ADGRA2: variants seen among roughly 807,000 people sequenced by gnomAD.
The protein encoded by ADGRA2 is G-protein coupled receptor 124.
A neutral mutation model predicts 98.7 loss-of-function variants in ADGRA2; 61 were observed. That is an observed-to-expected ratio of 0.62 (90% CI 0.50 to 0.76). ADGRA2 has a LOEUF of 0.76. Among genes scored for constraint, ADGRA2 ranks in the 30% least tolerant of loss-of-function variants. The pLI is 0.00. For synonymous variants in ADGRA2, 858 were observed against 831.5 expected, an observed-to-expected ratio of 1.03 and a Z score of -0.55; for missense variants, 1,712 against 1,860.0, an observed-to-expected ratio of 0.92 and a Z score of 1.46.
chr8:37,841,158 G>C lies in ADGRA2; in HGVS notation c.2820G>C (p.Trp940Cys), dbSNP rs138242573. 3 of 1,612,654 alleles carry C rather than the reference G, an allele frequency of 1.9e-6. No individual in the cohort carries two copies. The highest frequency in any genetic ancestry group is 1.7e-6 in the Non-Finnish European group (2 of 1,179,926). ...IPVALILLITWIYFLCAGLRL... is the reference protein window; with the variant it reads ...IPVALILLITCIYFLCAGLRL... ...TGGCTTTGATTCTGCTCATCACCTG[G>C]ATCTATTTCCTGTGCGCCGGGCTAC... The change falls in exon 19 of 19, where the codon TGG becomes TGC. Residue 940 changes from tryptophan to cysteine, a missense_variant. Trp to Cys is a radical substitution (Grantham distance 215, BLOSUM62 -2). Coordinates refer to ENST00000412232, the MANE Select transcript of ADGRA2 (RefSeq NM_032777.10). This position sits in a 1 kb window ranked among gnomAD's most constrained non-coding sequence, Gnocchi z 5.0.
chr8:37,821,542 T>A (rs771703198), intron 2 of ADGRA2, among the ~76,000 whole-genome samples: 2 of 152,152 alleles, frequency 1.3e-5, no homozygotes, highest in Non-Finnish European at 2.9e-5. Context: ...ACAGGAAGAC[T>A]TTTCTGGGGG....
Position 37,840,106 on chromosome 8 carries a change from G to C in ADGRA2, c.2512-15G>C. On this transcript the variant is annotated splice_polypyrimidine_tract_variant and intron_variant, in intron 16 of 18. Coordinates refer to ENST00000412232, the MANE Select transcript of ADGRA2 (RefSeq NM_032777.10). ...TAGTCCCCAGGTCCCCAGCCTCCGT[G>C]CCTTGACCCCGCAGGTGGGCATCAC... The C allele has an allele frequency of 6.4e-7, 1 of 1,570,520 alleles. No individual in the cohort carries two copies. Among genetic ancestry groups the C allele is most frequent in the Non-Finnish European group, 8.6e-7 (1 of 1,163,300 alleles).
At position 37,839,008 on chromosome 8, in the gene ADGRA2, C is replaced by T; in HGVS notation, c.2312C>T (p.Pro771Leu). 2.5e-6 allele frequency: 4 copies of T among 1,598,402 alleles called. No homozygotes were observed. Among genetic ancestry groups the T allele is most frequent in the Non-Finnish European group, 3.4e-6 (4 of 1,171,886 alleles). ...GGGGGCGCCGGGGCAGGGCTGCACC[C>T]CGTGGTATACCCCTGCACGGCCTTG... ...EVGGAGAGLH[P>L]VVYPCTALLL... The change falls in exon 15 of 19, where the codon CCC becomes CTC. Residue 771 changes from proline to leucine, a missense_variant. Transcript: ENST00000412232.
In ADGRA2 at chr8:37,827,697, C is replaced by A. The variant is rs111669506; in HGVS notation, c.339-1191C>A. Among the ~76,000 whole-genome samples the A allele has an allele frequency of 1.9e-3, 288 of 152,334 alleles. 3 individuals carry two copies. The highest frequency in any genetic ancestry group is 6.7e-3 in the African/African-American group (277 of 41,578). ...CAAGCTGTCACTTCCCTGGCTTCCT[C>A]ATCTGAAGGAGGAGGCTGGACAGGA... On this transcript the variant is annotated intron_variant, in intron 2 of 18. Coordinates refer to ENST00000412232, the MANE Select transcript of ADGRA2 (RefSeq NM_032777.10).
rs532078731 is a variant in ADGRA2, at chr8:37,829,741, G to C, written c.555-110G>C. ...GGGCAGAGATGGTGCACATAGACCC[G>C]ATTTTGCCCCTCCTACCCTCTCCAG... On this transcript the variant is annotated intron_variant, in intron 5 of 18. Transcript: ENST00000412232. 4.6e-5 allele frequency: 53 copies of C among 1,157,094 alleles called. No homozygotes were observed. In the Admixed American group the frequency reaches 7.7e-4, roughly 17 times the overall value. The allele number at this position is 1,157,094 out of a possible 1,614,324, so 71.7% of individuals were successfully genotyped here. A position where few individuals can be genotyped will look rare whatever the true frequency, so the allele number is the denominator to read the frequency against.
intron 13 of ADGRA2, 36 bp from the exon 14 acceptor site, chr8:37,837,693 CTG>C: frequency 6.6e-7 from 1 of 1,510,426 alleles, no homozygotes; most frequent in African/African-American, 1.4e-5. Context: ...CCCTGACACC[CTG>C]TGTGTGTCTG....
At chr8:37,828,814 G>A in intron 2 of ADGRA2, 74 bp from the exon 3 acceptor site, 1 of 1,206,318 alleles carries the variant, frequency 8.3e-7, no homozygotes, top group Non-Finnish European at 1.2e-6. Flanking sequence ...CGTGGTGACA[G>A]TGAGGACCCC....
intron 2 of ADGRA2, among the ~76,000 whole-genome samples, chr8:37,824,649 C>A (rs905129122): frequency 6.6e-6 from 1 of 151,898 alleles, no homozygotes; most frequent in African/African-American, 2.4e-5. Context: ...CTCCCGCCAC[C>A]ACACACGGCT....
chr8:37,837,769 G>A lies in ADGRA2; in HGVS notation c.2089G>A (p.Val697Ile), dbSNP rs377569553. ...GVGNLTEPVA[V>I]SLRHWAEGAE... ...GGGAAACCTGACAGAGCCAGTGGCCGTTTCGCTGCGGCACTGGGCTGAGGG... is the reference window on the plus strand; with the variant it reads ...GGGAAACCTGACAGAGCCAGTGGCCATTTCGCTGCGGCACTGGGCTGAGGG... Residue 697 changes from valine (V) to isoleucine (I), a missense_variant, in exon 14 of 19, where the codon GTT becomes ATT. Coordinates refer to ENST00000412232, the MANE Select transcript of ADGRA2 (RefSeq NM_032777.10). 31 of 1,552,814 alleles carry A rather than the reference G, an allele frequency of 2.0e-5. No homozygotes were observed. In the Middle Eastern group the frequency reaches 3.0e-3, roughly 151 times the overall value.
In ADGRA2 at chr8:37,842,120, C is replaced by T. The variant is rs939288027; in HGVS notation, c.3782C>T (p.Ala1261Val). Residue 1261 changes from alanine to valine, a missense_variant, in exon 19 of 19, where the codon GCG becomes GTG. By Grantham distance (64) the Ala-to-Val change is moderately conservative (BLOSUM62 0). Coordinates refer to ENST00000412232, the MANE Select transcript of ADGRA2 (RefSeq NM_032777.10). ...TPSEGSDTSA[A>V]PLSEAGRAGQ... The stretch of plus-strand genomic sequence containing the variant: ...TCCGAGGGCAGCGACACCAGCGCCG[C>T]GCCGCTTTCTGAGGCGGGCCGGGCA... 5 of 1,497,000 alleles carry T rather than the reference C, an allele frequency of 3.3e-6. No individual in the cohort carries two copies. Among genetic ancestry groups the T allele is most frequent in the Non-Finnish European group, 4.4e-6 (5 of 1,131,460 alleles). The allele number at this position is 1,497,000 out of a possible 1,614,324, so 92.7% of individuals were successfully genotyped here.
In ADGRA2 at chr8:37,833,149, G is replaced by A. The variant is rs748824937; in HGVS notation, c.1237G>A (p.Asp413Asn). The A allele has an allele frequency of 5.6e-6, 9 of 1,613,156 alleles. No homozygotes were observed. Among genetic ancestry groups the A allele is most frequent in the Non-Finnish European group, 7.6e-6 (9 of 1,179,830 alleles). The change falls in exon 9 of 19, where the codon GAC becomes AAC. Residue 413 changes from aspartate to asparagine, a missense_variant. Asp to Asn is a conservative substitution (Grantham distance 23, BLOSUM62 1). Transcript: ENST00000412232. ...CCGTGCCGGCCGCTGGGAGCCAGGGGACTACTCCCACTGTCTCTACACCAA... is the reference window on the plus strand; with the variant it reads ...CCGTGCCGGCCGCTGGGAGCCAGGGAACTACTCCCACTGTCTCTACACCAA... ...CDRAGRWEPGDYSHCLYTNDI... is the reference protein window; with the variant it reads ...CDRAGRWEPGNYSHCLYTNDI...
At chr8:37,808,010 G>C (rs1231402165) in intron 1 of ADGRA2, among the ~76,000 whole-genome samples, 2 of 152,186 alleles carry the variant, frequency 1.3e-5, no homozygotes, top group South Asian at 4.1e-4. Context: ...AGCCCACAGA[G>C]CCTCTCTGTA....
At chr8:37,840,043 G>C (rs1805743050) in intron 16 of ADGRA2, 78 bp from the exon 17 acceptor site, 1 of 1,340,310 alleles carries the variant, frequency 7.5e-7, no homozygotes, top group Non-Finnish European at 1.0e-6. Flanking sequence ...AGCCTGGGAG[G>C]ACACCAGCAG....
At chr8:37,813,781 C>CA (rs1168772044) in intron 1 of ADGRA2, among the ~76,000 whole-genome samples, 1 of 152,240 alleles carries the variant, frequency 6.6e-6, no homozygotes, top group Non-Finnish European at 1.5e-5. Context: ...GAAGACAGAG[C>CA]AGCTGGAATG....
At position 37,809,134 on chromosome 8, in the gene ADGRA2, A is replaced by AT. The variant is rs894754911; in HGVS notation, c.267-5752dup. The stretch of plus-strand genomic sequence containing the variant: ...CACCGCATCTAGCCTCTACAAAAAC[A>AT]TTTTTTTTTTAATTAGCTGGTCATG... On this transcript the variant is annotated intron_variant, in intron 1 of 18. Transcript: ENST00000412232. Among the ~76,000 whole-genome samples the AT allele has an allele frequency of 3.8e-3, 573 of 149,708 alleles. 1 individual carries two copies. The highest frequency in any genetic ancestry group is 0.013 in the African/African-American group (517 of 40,884).
chr8:37,829,656 G>A (rs1029868306), intron 5 of ADGRA2, 97 bp downstream of exon 5: 6 of 1,017,064 alleles, frequency 5.9e-6, no homozygotes, highest in South Asian at 1.3e-5. Context: ...CTGGTCTCAC[G>A]AGTGGCCACA....
chr8:37,841,456 G>T lies in ADGRA2; in HGVS notation c.3118G>T (p.Val1040Leu), dbSNP rs1265308630. Residue 1040 changes from valine to leucine, a missense_variant, in exon 19 of 19, where the codon GTG (valine) becomes TTG (leucine). Val to Leu is a conservative substitution (Grantham distance 32, BLOSUM62 1). Transcript: ENST00000412232. The surrounding 1 kb of genome is among the most constrained non-coding windows in gnomAD (Gnocchi z 5.0). ...CATGTGGGCCTGCGGGGCTCTGGCA[G>T]TGTCCCAGCGCTGGCTGCCCCGGGT... ...LAMWACGALA[V>L]SQRWLPRVVC... The T allele has an allele frequency of 6.2e-7, 1 of 1,613,048 alleles. No individual in the cohort carries two copies. Among genetic ancestry groups the T allele is most frequent in the African/African-American group, 1.3e-5 (1 of 75,070 alleles).
At chr8:37,831,071 A>G (rs950790393) in intron 7 of ADGRA2, 148 bp downstream of exon 7, 7 of 626,338 alleles carry the variant, frequency 1.1e-5, no homozygotes, top group African/African-American at 1.8e-5. Flanking sequence ...TAAGTTATCA[A>G]TGGTCTAGAT....
chr8:37,838,657 A>G lies in ADGRA2; in HGVS notation c.2260-299A>G, dbSNP rs189731967. ...TGGTACTGCCACTCTCCAGTCCTGC[A>G]GGCCTGCTGCTGGTCACAGGCAGCA... On this transcript the variant is annotated intron_variant, in intron 14 of 18. Transcript: ENST00000412232. 3.9e-3 allele frequency among the ~76,000 whole-genome samples: 581 copies of G among 150,446 alleles called. 9 individuals are homozygous for G. Among genetic ancestry groups the G allele is most frequent in the African/African-American group, 0.014 (563 of 40,788 alleles).
Sources: gnomAD v4.1 joint callset for allele counts (sites outside exome capture counted in the v4.1 genomes callset) on GRCh38, gnomAD v4.1.1 for gene constraint, Gnocchi (gnomAD v3.1) non-coding constraint, MANE v1.5 for transcripts, NCBI Gene and HGNC (gene_info 2026-07-23, HGNC 2026-07-21) for gene names.